The following BIRC6 variants were observed in gnomAD, a reference collection of about 807,000 sequenced individuals.
BIRC6 encodes baculoviral IAP repeat containing 6.
In BIRC6, 98 loss-of-function variants were observed where a neutral mutation model predicts 503.3. That is an observed-to-expected ratio of 0.19 (90% CI 0.17 to 0.23). The LOEUF (loss-of-function observed/expected upper bound fraction) is 0.23, where lower values mean the gene tolerates loss of function less well. BIRC6 is among the 10% of genes least tolerant of loss of function. The pLI is 1.00. For synonymous variants in BIRC6, 2,240 were observed against 2,078.7 expected (o/e 1.08, Z -2.11); for missense variants, 5,360 against 5,806.0 (o/e 0.92, Z 2.50).
intron 49 of BIRC6, among the ~76,000 whole-genome samples, chr2:32,504,559 C>G (rs1402849940): frequency 8.6e-5 from 13 of 151,890 alleles, no homozygotes; most frequent in African/African-American, 2.4e-5. Flanking sequence ...CCCAGCTACT[C>G]GGGAGGCTGA....
At chr2:32,484,804 G>A (rs1204366963) in intron 39 of BIRC6, among the ~76,000 whole-genome samples, 1 of 152,142 alleles carries the variant, frequency 6.6e-6, no homozygotes, top group East Asian at 1.9e-4. Flanking sequence ...TCAAGTAGCT[G>A]AGATTACAGC....
Position 32,543,512 on chromosome 2 carries a change from T to C in BIRC6, c.12563T>C (p.Val4188Ala). ...CATGCCCAGTGCCTTCTTCGATTGG[T>C]ATTGGGAGTGACAGATGATGGAGAA... is the stretch of plus-strand genomic sequence containing the variant. The part of the protein sequence containing the change: ...RKHAQCLLRL[V>A]LGVTDDGEGS... The change falls in exon 62 of 74, where the codon GTA becomes GCA. Residue 4188 changes from valine (V) to alanine (A), a missense_variant. By Grantham distance (64) the Val-to-Ala change is moderately conservative (BLOSUM62 0). Around this residue, in one of 16 missense-constraint regions of BIRC6, gnomAD observed 477 missense variants for 574.4 expected, o/e 0.83. Coordinates refer to ENST00000421745, the MANE Select transcript of BIRC6 (RefSeq NM_016252.4). 1 of 1,613,864 alleles carries C rather than the reference T, an allele frequency of 6.2e-7. No homozygotes were observed. Among genetic ancestry groups the C allele is most frequent in the Non-Finnish European group, 8.5e-7 (1 of 1,179,864 alleles).
intron 1 of BIRC6, among the ~76,000 whole-genome samples, chr2:32,358,813 A>G (rs968752379): frequency 6.6e-6 from 1 of 152,110 alleles, no homozygotes; most frequent in Non-Finnish European, 1.5e-5. Context: ...AAGTTTTGGG[A>G]GGTAGGTTTG....
rs1011719872 is a variant in BIRC6, at chr2:32,597,687, T to C, written c.13613-64T>C. ...AGTGGGAGAAGGACTAGTGATTGTTTGTGATTTTTGTCATTATAACAATTT... is the reference window on the plus strand; with the variant it reads ...AGTGGGAGAAGGACTAGTGATTGTTCGTGATTTTTGTCATTATAACAATTT... On this transcript the variant is annotated intron_variant, in intron 68 of 73. Transcript: ENST00000421745. 5.0e-6 allele frequency: 6 copies of C among 1,204,274 alleles called. No homozygotes were observed. In the South Asian group the frequency reaches 6.6e-5, roughly 13 times the overall value. 74.6% of individuals were successfully genotyped at this position (1,204,274 alleles called of 1,614,324 possible). A position where few individuals can be genotyped will look rare whatever the true frequency, so the allele number is the denominator to read the frequency against.
At chr2:32,493,488 T>A in intron 44 of BIRC6, 52 bp from the exon 45 acceptor site, 1 of 1,490,104 alleles carries the variant, frequency 6.7e-7, no homozygotes, top group Non-Finnish European at 9.1e-7. Context: ...AATGAATGAT[T>A]TTTTACATGT....
Position 32,611,540 on chromosome 2 carries a change from G to T in BIRC6, c.14352G>T (p.Lys4784Asn). The change falls in exon 73 of 74, where the codon AAG becomes AAT. Residue 4784 changes from lysine (K) to asparagine (N), a missense_variant. This residue lies in a region of BIRC6 where 140 missense variants were observed against 130.2 expected (regional missense o/e 1.07). Transcript: ENST00000421745. ...ATATCCAGCAGTACAGCAGTGATAAGCGGGTAGGCAGGACTATGTCTCACC... is the reference window on the plus strand; with the variant it reads ...ATATCCAGCAGTACAGCAGTGATAATCGGGTAGGCAGGACTATGTCTCACC... ...IADIQQYSSDKRVGRTMSHHA... is the reference protein window; with the variant it reads ...IADIQQYSSDNRVGRTMSHHA... 9.4e-6 allele frequency: 15 copies of T among 1,603,748 alleles called. No homozygotes were observed. The highest frequency in any genetic ancestry group is 1.3e-5 in the Non-Finnish European group (15 of 1,173,810).
chr2:32,499,121 T>C (rs2052841663), intron 45 of BIRC6, among the ~76,000 whole-genome samples: 11 of 152,252 alleles, frequency 7.2e-5, no homozygotes, highest in Admixed American at 7.2e-4. Flanking sequence ...TTTTGATACT[T>C]GAGAATGATT....
At chr2:32,490,266 G>C in intron 43 of BIRC6, 115 bp downstream of exon 43, 2 of 906,258 alleles carry the variant, frequency 2.2e-6, no homozygotes, top group Non-Finnish European at 1.7e-6. Flanking sequence ...TGGTTGAGTT[G>C]GCCAGATGTG....
intron 61 of BIRC6, among the ~76,000 whole-genome samples, chr2:32,534,857 C>T (rs1293343083): frequency 6.7e-6 from 1 of 150,136 alleles, no homozygotes; most frequent in East Asian, 1.9e-4. Context: ...ATTTATAGTC[C>T]GAGAAGAAGA....
intron 44 of BIRC6, 83 bp downstream of exon 44, chr2:32,491,641 G>GC: frequency 7.2e-7 from 1 of 1,391,214 alleles, no homozygotes; most frequent in East Asian, 2.3e-5. Flanking sequence ...CTTTTTTATT[G>GC]CTAAAGTATT....
chr2:32,464,307 C>T (rs2048302036), intron 24 of BIRC6, among the ~76,000 whole-genome samples: 1 of 152,164 alleles, frequency 6.6e-6, no homozygotes, highest in South Asian at 2.1e-4. Context: ...CCCAAATGCA[C>T]AGGAAATTTT....
chr2:32,604,895 CTTT>C (rs11288979), intron 71 of BIRC6, among the ~76,000 whole-genome samples: 6 of 133,540 alleles, frequency 4.5e-5, no homozygotes, highest in Non-Finnish European at 6.4e-5. Context: ...CTTTTCTTTT[CTTT>C]TTTTTTTTTT....
intron 6 of BIRC6, among the ~76,000 whole-genome samples, chr2:32,396,842 GC>G (rs2039952640): frequency 6.6e-6 from 1 of 151,996 alleles, no homozygotes; most frequent in African/African-American, 2.4e-5. Context: ...TCCTGCCTCA[GC>G]CTCCCGAGTA....
At chr2:32,528,052 T>A (rs1439618651) in intron 59 of BIRC6, 3 of 152,224 alleles carry the variant, frequency 2.0e-5, no homozygotes, top group Non-Finnish European at 4.4e-5. Context: ...GAACCATTTT[T>A]AAAAGCCTTC....
intron 73 of BIRC6, 133 bp downstream of exon 73, chr2:32,611,715 T>C (rs970324293): frequency 1.2e-4 from 119 of 964,300 alleles, no homozygotes; most frequent in Non-Finnish European, 1.5e-4. Context: ...TTCAGAGGAA[T>C]AAATTGTTAC....
chr2:32,518,668 A>G (rs2055324829), intron 56 of BIRC6, 149 bp from the exon 57 acceptor site: 1 of 1,060,116 alleles, frequency 9.4e-7, no homozygotes, highest in South Asian at 1.8e-5. Context: ...AAGTTGACCA[A>G]CAAATCATGG....
chr2:32,359,518 G>A (rs142585344), intron 1 of BIRC6, among the ~76,000 whole-genome samples: 2,422 of 152,266 alleles, frequency 0.016, 24 homozygotes, highest in Middle Eastern at 0.031. Flanking sequence ...ATTGATTTGG[G>A]ATAACAGGTT....
rs775407354 is a variant in BIRC6 at position 32,488,591 on chromosome 2, G to A, written c.7972G>A (p.Glu2658Lys). The A allele has an allele frequency of 6.6e-7, 1 of 1,517,810 alleles. No homozygotes were observed. The highest frequency in any genetic ancestry group is 1.3e-5 in the South Asian group (1 of 78,570). The allele number at this position is 1,517,810 out of a possible 1,614,324, so 94.0% of individuals were successfully genotyped here. Residue 2658 changes from glutamate to lysine, a missense_variant, in exon 42 of 74, where the codon GAG (glutamate) becomes AAG (lysine). This residue lies in a region of BIRC6 where 2,299 missense variants were observed against 2,267.2 expected (regional missense o/e 1.01). Transcript: ENST00000421745. The part of the protein sequence containing the change: ...SMLQVHHVQL[E>K]SLLQLWLTLS... ...GTTGATTTTCATTCTTTTTCAGTTG[G>A]AGTCACTTCTCCAATTGTGGCTCAC...
chr2:32,394,994 C>T (rs1170544177), intron 5 of BIRC6, among the ~76,000 whole-genome samples: 1 of 151,686 alleles, frequency 6.6e-6, no homozygotes, highest in Non-Finnish European at 1.5e-5. Flanking sequence ...ACTAAAAATA[C>T]AAAAAAAATT....
Sources: gnomAD v4.1 joint callset for allele counts (sites outside exome capture counted in the v4.1 genomes callset) on GRCh38, gnomAD v4.1.1 for gene constraint, gnomAD v4.1.1 regional missense constraint, MANE v1.5 for transcripts, NCBI Gene and HGNC (gene_info 2026-07-23, HGNC 2026-07-21) for gene names.